Variants in NXPH1 observed in about 807,000 individuals in gnomAD.
NXPH1 encodes neurexophilin-1.
In NXPH1, 5 loss-of-function variants were observed where a neutral mutation model predicts 23.7. The ratio of observed to expected loss-of-function variants is 0.21; its 90% CI spans 0.11 to 0.44. The LOEUF (loss-of-function observed/expected upper bound fraction) is 0.44, where lower values mean the gene tolerates loss of function less well. Ranked by LOEUF, NXPH1 falls within the 20% of genes least tolerant of loss-of-function variation. NXPH1 has a pLI of 0.99. For synonymous variants in NXPH1, 144 were observed against 122.2 expected (o/e 1.18, Z -1.18); for missense variants, 324 against 321.6 (o/e 1.01, Z -0.06).
chr7:8,522,922 T>A (rs1026673612), intron 2 of NXPH1, among the ~76,000 whole-genome samples: 3 of 152,216 alleles, frequency 2.0e-5, no homozygotes, highest in Non-Finnish European at 4.4e-5. Flanking sequence ...TCACAGAGCA[T>A]TGGCTATGGA....
rs1816174206 is a variant in NXPH1, at chr7:8,435,427, C to A, written c.-110-177C>A. 1 of 505,538 alleles carries A rather than the reference C, an allele frequency of 2.0e-6. No homozygotes were observed. Among genetic ancestry groups the A allele is most frequent in the Non-Finnish European group, 3.6e-6 (1 of 281,232 alleles). 31.3% of individuals were successfully genotyped at this position (505,538 alleles called of 1,614,324 possible). A position where few individuals can be genotyped will look rare whatever the true frequency, so the allele number is the denominator to read the frequency against. On this transcript the variant is annotated intron_variant, in intron 1 of 2. Transcript: ENST00000405863. This position sits in a 1 kb window ranked among gnomAD's most constrained non-coding sequence, Gnocchi z 5.9. ...GTCCGCCCGCCCGCCTCCCCAGCTGCGGACCGCGCGCTTGCTGGTCTCAGG... is the reference window on the plus strand; with the variant it reads ...GTCCGCCCGCCCGCCTCCCCAGCTGAGGACCGCGCGCTTGCTGGTCTCAGG...
rs1157180814 is a variant in NXPH1 at position 8,739,192 on chromosome 7, A to AAAC, written c.55-11814_55-11813insCAA. Among the ~76,000 whole-genome samples, 43 of 149,314 alleles carry AAAC rather than the reference A, an allele frequency of 2.9e-4. No homozygotes were observed. In the East Asian group the frequency reaches 6.5e-3, roughly 22 times the overall value. ...GGGGTAAAAAAAAAAAAAAAAAAAA[A>AAAC]AAAAAAAAAAAACCCTGCAGCTAGC... is the stretch of plus-strand genomic sequence containing the variant. On this transcript the variant is annotated intron_variant, in intron 2 of 2. Coordinates refer to ENST00000405863, the MANE Select transcript of NXPH1 (RefSeq NM_152745.3).
intron 2 of NXPH1, among the ~76,000 whole-genome samples, chr7:8,725,452 T>C (rs1460053123): frequency 2.0e-5 from 3 of 147,694 alleles, no homozygotes; most frequent in Non-Finnish European, 4.4e-5. Context: ...ATCCAGCCAC[T>C]GCACTCCAAC....
intron 2 of NXPH1, among the ~76,000 whole-genome samples, chr7:8,567,119 C>T (rs886740370): frequency 4.0e-5 from 6 of 151,828 alleles, no homozygotes; most frequent in Non-Finnish European, 8.8e-5. Flanking sequence ...TGGTTTGGCT[C>T]TGGTCCCTTA....
chr7:8,564,979 C>A (rs1001585564), intron 2 of NXPH1, among the ~76,000 whole-genome samples: 3 of 151,732 alleles, frequency 2.0e-5, no homozygotes, highest in Admixed American at 2.0e-4. Context: ...AGGAAGTAAA[C>A]AAGTAGACTT....
At chr7:8,525,164 GA>G (rs1401957431) in intron 2 of NXPH1, among the ~76,000 whole-genome samples, 1 of 151,606 alleles carries the variant, frequency 6.6e-6, no homozygotes, top group Non-Finnish European at 1.5e-5. Flanking sequence ...TGGAGAAGAG[GA>G]ACTTGTTGGG....
chr7:8,619,779 T>C (rs951627112), intron 2 of NXPH1, among the ~76,000 whole-genome samples: 4 of 152,206 alleles, frequency 2.6e-5, no homozygotes, highest in Non-Finnish European at 5.9e-5. Context: ...CAAAATATAC[T>C]AATACCATTA....
intron 2 of NXPH1, among the ~76,000 whole-genome samples, chr7:8,461,357 C>T (rs886231791): frequency 6.6e-6 from 1 of 152,120 alleles, no homozygotes; most frequent in Non-Finnish European, 1.5e-5. Flanking sequence ...ACTTCAGTTA[C>T]TCCCAAGCTC....
chr7:8,720,475 A>T (rs1779953551), intron 2 of NXPH1, among the ~76,000 whole-genome samples: 1 of 152,230 alleles, frequency 6.6e-6, no homozygotes, highest in Non-Finnish European at 1.5e-5. Context: ...CTATGCAAAT[A>T]TTTGTTTAAA....
At chr7:8,700,098 C>T (rs1427820798) in intron 2 of NXPH1, among the ~76,000 whole-genome samples, 1 of 152,128 alleles carries the variant, frequency 6.6e-6, no homozygotes, top group African/African-American at 2.4e-5. Context: ...CAGCAGAGCA[C>T]ATGTTTAAAA....
intron 2 of NXPH1, among the ~76,000 whole-genome samples, chr7:8,725,160 A>C (rs570858582): frequency 6.6e-6 from 1 of 152,332 alleles, no homozygotes; most frequent in South Asian, 2.1e-4. Context: ...TGATATTCTC[A>C]GTGCATGAGT....
chr7:8,589,638 A>G (rs1819050756), intron 2 of NXPH1, among the ~76,000 whole-genome samples: 1 of 152,110 alleles, frequency 6.6e-6, no homozygotes, highest in East Asian at 1.9e-4. Flanking sequence ...GTGAGTCAGA[A>G]AAAGAACGAA....
chr7:8,518,818 A>G (rs1453752091), intron 2 of NXPH1, among the ~76,000 whole-genome samples: 1 of 152,192 alleles, frequency 6.6e-6, no homozygotes, highest in Non-Finnish European at 1.5e-5. Context: ...TTGGAGCCAC[A>G]TAAGCTTGTG....
chr7:8,457,390 G>T (rs887902968), intron 2 of NXPH1, among the ~76,000 whole-genome samples: 1 of 152,152 alleles, frequency 6.6e-6, no homozygotes, highest in East Asian at 1.9e-4. Flanking sequence ...GATGGAGAAG[G>T]CATTGTCAAG....
chr7:8,495,685 G>A (rs189216948), intron 2 of NXPH1, among the ~76,000 whole-genome samples: 2 of 152,144 alleles, frequency 1.3e-5, no homozygotes, highest in Admixed American at 1.3e-4. Flanking sequence ...AAAGAAGTGG[G>A]ATGGGTGTTA....
chr7:8,701,735 C>T (rs931804246), intron 2 of NXPH1, among the ~76,000 whole-genome samples: 1 of 151,996 alleles, frequency 6.6e-6, no homozygotes, highest in Admixed American at 6.6e-5. Context: ...GCATTTGTTA[C>T]AAAGATAGTC....
At chr7:8,656,920 G>A (rs1820592095) in intron 2 of NXPH1, among the ~76,000 whole-genome samples, 1 of 152,178 alleles carries the variant, frequency 6.6e-6, no homozygotes, top group Non-Finnish European at 1.5e-5. Flanking sequence ...TCACCACTCT[G>A]CGAGTTTCCC....
intron 2 of NXPH1, among the ~76,000 whole-genome samples, chr7:8,666,456 C>A (rs989215679): frequency 4.0e-5 from 6 of 151,772 alleles, no homozygotes; most frequent in African/African-American, 1.4e-4. Flanking sequence ...TGAGAGTTTT[C>A]ATATTTATGT....
intron 2 of NXPH1, among the ~76,000 whole-genome samples, chr7:8,466,734 A>C (rs1265574281): frequency 1.3e-5 from 2 of 152,160 alleles, no homozygotes; most frequent in Non-Finnish European, 2.9e-5. Context: ...CCTTGAAGAA[A>C]CTTTGGGAAG....
Sources: allele counts gnomAD v4.1 joint callset (sites outside exome capture counted in the v4.1 genomes callset), GRCh38; gene constraint gnomAD v4.1.1; non-coding constraint Gnocchi (gnomAD v3.1); transcripts MANE v1.5; gene names NCBI Gene and HGNC (gene_info 2026-07-23, HGNC 2026-07-21).